Variants in PDGFRB observed in about 807,000 individuals in gnomAD.
PDGFRB encodes platelet-derived growth factor receptor beta.
PDGFRB carries 42 observed loss-of-function variants against 120.2 expected under a neutral mutation model. The ratio of observed to expected loss-of-function variants is 0.35; its 90% confidence interval spans 0.27 to 0.45. The LOEUF (loss-of-function observed/expected upper bound fraction) is 0.45, where lower values mean the gene tolerates loss of function less well. PDGFRB is among the 20% of genes least tolerant of loss of function. The pLI is 1.00. For missense variants in PDGFRB, 1,149 were observed against 1,476.3 expected (o/e 0.78, Z 3.63); for synonymous variants, 586 against 606.8 (o/e 0.97, Z 0.50).
At position 150,132,479 on chromosome 5, in the gene PDGFRB, G is replaced by A. The variant is rs11748255; in HGVS notation, c.1127+271C>T. Among the ~76,000 whole-genome samples the A allele has an allele frequency of 0.41, 62,872 of 152,044 alleles. 13,869 individuals carry two copies. The highest frequency in any genetic ancestry group is 0.48 in the Admixed American group (7,304 of 15,288). On this transcript the variant is annotated intron_variant, in intron 7 of 22. Transcript: ENST00000261799. This position sits in a 1 kb window ranked among gnomAD's most constrained non-coding sequence, Gnocchi z 5.0. ...CACCCTCTTCCCCAGTCATCTGCCC[G>A]TTTACTTCTTGGCTGCTACTGCTGG... is the stretch of plus-strand genomic sequence containing the variant.
intron 1 of PDGFRB, among the ~76,000 whole-genome samples, chr5:150,155,104 T>G (rs1404118900): frequency 3.3e-5 from 5 of 152,048 alleles, no homozygotes; most frequent in Non-Finnish European, 7.4e-5. Context: ...TTGACTGTGC[T>G]GTGCTTTGGA....
In PDGFRB at chr5:150,147,373, G is replaced by A. The variant is rs542832600; in HGVS notation, c.-7+8024C>T. 1.7e-3 allele frequency among the ~76,000 whole-genome samples: 263 copies of A among 152,338 alleles called. 1 individual carries two copies. The highest frequency in any genetic ancestry group is 5.9e-3 in the African/African-American group (247 of 41,584). On this transcript the variant is annotated intron_variant, in intron 1 of 22. Transcript: ENST00000261799. ...GTCCCAGGCTGAGACTGAGGAGGGG[G>A]GTGCGGCAGGCGCAGACAAGCAAAC...
rs80162387 is a variant in PDGFRB at position 150,135,669 on chromosome 5, C to T, written c.250G>A (p.Val84Met). 288 of 1,614,012 alleles carry T rather than the reference C, an allele frequency of 1.8e-4. 4 individuals carry two copies. In the East Asian group the frequency reaches 2.8e-3, roughly 16 times the overall value. ...AKAQDGTFSSVLTLTNLTGLD... is the reference protein window; with the variant it reads ...AKAQDGTFSSMLTLTNLTGLD... ...CCAGTGAGGTTGGTCAGTGTGAGCA[C>T]GCTGGAGAAGGTGCCATCCTGGGCC... The change falls in exon 3 of 23, where the codon GTG becomes ATG. Residue 84 changes from valine (V) to methionine (M), a missense_variant. Val to Met is a conservative substitution (Grantham distance 21). This residue lies in a region of PDGFRB where 879 missense variants were observed against 1,108.6 expected (regional missense o/e 0.79). Transcript: ENST00000261799.
rs1423712191 is a variant in PDGFRB, at chr5:150,155,402, T to G, written c.-12A>C. 2.6e-6 allele frequency: 1 copy of G among 388,264 alleles called. No individual in the cohort carries two copies. Among genetic ancestry groups the G allele is most frequent in the South Asian group, 1.4e-4 (1 of 6,916 alleles). The allele number at this position is 388,264 out of a possible 1,614,324, so 24.1% of individuals were successfully genotyped here. A position where few individuals can be genotyped will look rare whatever the true frequency, so the allele number is the denominator to read the frequency against. ...CCACTTTTTCCAGCACTTACCTTGC[T>G]GCTGATGGCTTCTGGTGTGGGCACA... On this transcript the variant is annotated 5_prime_UTR_variant, in exon 1 of 23. Coordinates refer to ENST00000261799, the MANE Select transcript of PDGFRB (RefSeq NM_002609.4).
chr5:150,121,961 G>C lies in PDGFRB; in HGVS notation c.2263C>G (p.Leu755Val). ...KDESVDYVPM[L>V]DMKGDVKYAD... is the part of the protein sequence containing the mutation. ...TATTTGACGTCTCCTTTCATGTCCA[G>C]CATGGGCACATAGTCCACCGACTCG... Residue 755 changes from leucine (L) to valine (V), a missense_variant, in exon 16 of 23, where the codon CTG becomes GTG. By Grantham distance (32) the Leu-to-Val change is conservative. Transcript: ENST00000261799. This position sits in a 1 kb window ranked among gnomAD's most constrained non-coding sequence, Gnocchi z 4.1. 6.2e-7 allele frequency: 1 copy of C among 1,613,058 alleles called. No homozygotes were observed. Among genetic ancestry groups the C allele is most frequent in the Non-Finnish European group, 8.5e-7 (1 of 1,179,038 alleles).
intron 10 of PDGFRB, among the ~76,000 whole-genome samples, chr5:150,127,290 T>C (rs1254170373): frequency 6.6e-6 from 1 of 151,710 alleles, no homozygotes; most frequent in Non-Finnish European, 1.5e-5. Context: ...AGCTTCCCAC[T>C]CTCCTCATCC....
chr5:150,152,825 G>A (rs1198562402), intron 1 of PDGFRB, among the ~76,000 whole-genome samples: 1 of 152,232 alleles, frequency 6.6e-6, no homozygotes, highest in Non-Finnish European at 1.5e-5. Flanking sequence ...TCAGCCAGTG[G>A]CCAGAGGTCC....
rs1580796546 is a variant in PDGFRB, at chr5:150,121,513, C to A, written c.2345-191G>T. Among the ~76,000 whole-genome samples, 1 of 152,268 alleles carries A rather than the reference C, an allele frequency of 6.6e-6. No homozygotes were observed. Among genetic ancestry groups the A allele is most frequent in the Non-Finnish European group, 1.5e-5 (1 of 68,048 alleles). ...CCTGCTTTATCAGTGCCCTCATTGG[C>A]CTTTTGGCATTAGCCCTTGGGCCAC... On this transcript the variant is annotated intron_variant, in intron 16 of 22. Transcript: ENST00000261799. This position sits in a 1 kb window ranked among gnomAD's most constrained non-coding sequence, Gnocchi z 4.1.
Position 150,120,098 on chromosome 5 carries a change from GC to G in PDGFRB, c.2611del (p.Ala871LeufsTer13). On this transcript the variant is annotated frameshift_variant, in exon 19 of 23. Coordinates refer to ENST00000261799, the MANE Select transcript of PDGFRB (RefSeq NM_002609.4). LOFTEE classifies it high-confidence loss of function. This position sits in a 1 kb window ranked among gnomAD's most constrained non-coding sequence, Gnocchi z 4.3. ...GSTFLPLKWM[A>X]PESIFNSLYT... is the part of the protein sequence containing the mutation. ...GAGGCTGTTGAAGATGCTCTCCGGA[GC>G]CATCCACTTTAAAGGCAAAAAGGTC... 2 of 1,596,814 alleles carry G rather than the reference GC, an allele frequency of 1.3e-6. No homozygotes were observed. The highest frequency in any genetic ancestry group is 8.6e-7 in the Non-Finnish European group (1 of 1,164,132).
intron 1 of PDGFRB, among the ~76,000 whole-genome samples, chr5:150,150,202 T>C (rs1193287307): frequency 6.6e-6 from 1 of 152,064 alleles, no homozygotes; most frequent in Non-Finnish European, 1.5e-5. Flanking sequence ...AGAGAGATGG[T>C]AAAGACCCAG....
chr5:150,118,549 A>C (rs550826905), intron 21 of PDGFRB, among the ~76,000 whole-genome samples, 198 bp downstream of exon 21: 1 of 152,254 alleles, frequency 6.6e-6, no homozygotes, highest in South Asian at 2.1e-4. Context: ...GTAGGATTCC[A>C]TTTCATAAAG....
chr5:150,115,613 G>T lies in PDGFRB; in HGVS notation c.*150C>A. The T allele has an allele frequency of 1.5e-6, 1 of 686,426 alleles. No individual in the cohort carries two copies. The highest frequency in any genetic ancestry group is 2.2e-6 in the Non-Finnish European group (1 of 447,952). The allele number at this position is 686,426 out of a possible 1,614,324, so 42.5% of individuals were successfully genotyped here. A position where few individuals can be genotyped will look rare whatever the true frequency, so the allele number is the denominator to read the frequency against. On this transcript the variant is annotated 3_prime_UTR_variant, in exon 23 of 23. Transcript: ENST00000261799. ...CCTCCTAAGCCAGCCCCAGGGTTTGGGGCACAACACGTCAGGAGCAGAAAG... is the reference window on the plus strand; with the variant it reads ...CCTCCTAAGCCAGCCCCAGGGTTTGTGGCACAACACGTCAGGAGCAGAAAG...
At chr5:150,116,721 C>T (rs1424552053) in intron 22 of PDGFRB, among the ~76,000 whole-genome samples, 7 of 152,164 alleles carry the variant, frequency 4.6e-5, no homozygotes, top group Non-Finnish European at 1.5e-5. Flanking sequence ...AGCATTCACA[C>T]CTCAAGCTGT....
At chr5:150,133,450 A>T in intron 6 of PDGFRB, 136 bp downstream of exon 6, 2 of 747,464 alleles carry the variant, frequency 2.7e-6, no homozygotes, top group African/African-American at 1.7e-5. Flanking sequence ...CGGGGCTGTG[A>T]CAGGCACTGG....
At chr5:150,141,435 C>T (rs540449338) in intron 1 of PDGFRB, among the ~76,000 whole-genome samples, 6 of 152,324 alleles carry the variant, frequency 3.9e-5, no homozygotes, top group Admixed American at 2.0e-4. Flanking sequence ...ATACAGTGAT[C>T]ATTTCCATTT....
rs1760063006 is a variant in PDGFRB, at chr5:150,119,452, T to C, written c.2798+15A>G. 2 of 1,433,196 alleles carry C rather than the reference T, an allele frequency of 1.4e-6. No individual in the cohort carries two copies. The allele number at this position is 1,433,196 out of a possible 1,614,324, so 88.8% of individuals were successfully genotyped here. A position where few individuals can be genotyped will look rare whatever the true frequency, so the allele number is the denominator to read the frequency against. The stretch of plus-strand genomic sequence containing the variant: ...GCAGCACAAAATCCTCCCAAATGCA[T>C]GAGACTCCACTCACATCTCGTCGGA... On this transcript the variant is annotated intron_variant, in intron 20 of 22. Coordinates refer to ENST00000261799, the MANE Select transcript of PDGFRB (RefSeq NM_002609.4).
chr5:150,129,945 G>C lies in PDGFRB; in HGVS notation c.1391C>G (p.Thr464Arg), dbSNP rs74943037. ...CTCTTCGGAACTGTTCCCCAGCAGC[G>C]TGGGCGGCAGCTCACGTGGACACCT... ...LKRCPRELPP[T>R]LLGNSSEEES... Residue 464 changes from threonine to arginine, a missense_variant, in exon 10 of 23, where the codon ACG (threonine) becomes AGG (arginine). This residue lies in a region of PDGFRB where 879 missense variants were observed against 1,108.6 expected (regional missense o/e 0.79). Coordinates refer to ENST00000261799, the MANE Select transcript of PDGFRB (RefSeq NM_002609.4). 1 of 1,613,906 alleles carries C rather than the reference G, an allele frequency of 6.2e-7. No individual in the cohort carries two copies. Among genetic ancestry groups the C allele is most frequent in the Non-Finnish European group, 8.5e-7 (1 of 1,180,000 alleles).
intron 1 of PDGFRB, among the ~76,000 whole-genome samples, chr5:150,151,859 C>T (rs1284092580): frequency 9.0e-6 from 1 of 111,326 alleles, no homozygotes; most frequent in African/African-American, 4.5e-5. Flanking sequence ...GAGACTCCAT[C>T]TCAAAAAAAA....
chr5:150,116,718 ACACCTCAAGC>A (rs1191755896), intron 22 of PDGFRB, among the ~76,000 whole-genome samples: 15 of 151,996 alleles, frequency 9.9e-5, no homozygotes, highest in African/African-American at 3.1e-4. Flanking sequence ...GTGAGCATTC[ACACCTCAAGC>A]TGTGTGAGCG....
Sources: gnomAD v4.1 joint callset for allele counts (sites outside exome capture counted in the v4.1 genomes callset) on GRCh38, gnomAD v4.1.1 for gene constraint, gnomAD v4.1.1 regional missense constraint, Gnocchi (gnomAD v3.1) non-coding constraint, MANE v1.5 for transcripts, NCBI Gene and HGNC (gene_info 2026-07-23, HGNC 2026-07-21) for gene names.